Variants in SLC23A2 observed in about 807,000 individuals in gnomAD.
SLC23A2 encodes the protein solute carrier family 23 member 2, also known as Na(+)/L-ascorbic acid transporter 2.
A neutral mutation model predicts 73.3 loss-of-function variants in SLC23A2; 36 were observed. The ratio of observed to expected loss-of-function variants is 0.49; its 90% CI spans 0.38 to 0.65. The LOEUF (loss-of-function observed/expected upper bound fraction) is 0.65. Ranked by LOEUF, SLC23A2 falls within the 30% of genes least tolerant of loss-of-function variation. The pLI is 0.00. For missense variants in SLC23A2, 507 were observed against 841.6 expected, an observed-to-expected ratio of 0.60 and a Z score of 4.92; for synonymous variants, 343 against 327.3, an observed-to-expected ratio of 1.05 and a Z score of -0.52.
At chr20:4,938,962 C>T (rs1349219432) in intron 2 of SLC23A2, among the ~76,000 whole-genome samples, 1 of 152,120 alleles carries the variant, frequency 6.6e-6, no homozygotes. Context: ...ATGTGGAGGG[C>T]TGAGTGTGAT....
chr20:4,865,054 C>T (rs1240278320), intron 13 of SLC23A2, among the ~76,000 whole-genome samples: 6 of 152,310 alleles, frequency 3.9e-5, no homozygotes, highest in African/African-American at 1.4e-4. Context: ...AGAGATAGAG[C>T]CCTAAAATCC....
chr20:4,982,418 T>C (rs1271085881), intron 1 of SLC23A2, among the ~76,000 whole-genome samples: 3 of 152,234 alleles, frequency 2.0e-5, no homozygotes, highest in Non-Finnish European at 4.4e-5. Context: ...GTTAAAAATA[T>C]GTAATTCTTG....
chr20:4,930,693 C>T (rs1169544782), intron 3 of SLC23A2, among the ~76,000 whole-genome samples: 1 of 152,112 alleles, frequency 6.6e-6, no homozygotes, highest in East Asian at 1.9e-4. Context: ...GTGGCACATG[C>T]CTGTAGTCCC....
intron 6 of SLC23A2, among the ~76,000 whole-genome samples, chr20:4,889,247 G>A (rs1185207115): frequency 1.3e-5 from 2 of 152,136 alleles, no homozygotes; most frequent in Non-Finnish European, 2.9e-5. Flanking sequence ...GGGGGATTAT[G>A]GGTATTCCGG....
At chr20:4,871,255 A>G (rs3787456) in intron 11 of SLC23A2, among the ~76,000 whole-genome samples, 146,791 of 152,246 alleles carry the variant, frequency 0.96, 70,983 homozygotes, top group African/African-American at 0.99. Context: ...CAAAAGATCC[A>G]GGGAGAGGGA....
intron 4 of SLC23A2, among the ~76,000 whole-genome samples, chr20:4,908,989 C>T (rs1032367470): frequency 6.6e-6 from 1 of 152,144 alleles, no homozygotes; most frequent in African/African-American, 2.4e-5. Context: ...TAAGGAAATA[C>T]ACATGCAGTA....
chr20:4,862,937 G>T lies in SLC23A2; in HGVS notation c.1357-30C>A. 6.3e-7 allele frequency: 1 copy of T among 1,591,692 alleles called. No homozygotes were observed. Among genetic ancestry groups the T allele is most frequent in the Non-Finnish European group, 8.6e-7 (1 of 1,163,588 alleles). On this transcript the variant is annotated intron_variant, in intron 13 of 16. Coordinates refer to ENST00000338244, the MANE Select transcript of SLC23A2 (RefSeq NM_005116.6). This position sits in a 1 kb window ranked among gnomAD's most constrained non-coding sequence, Gnocchi z 5.1. Reference sequence around the variant, plus strand: ...AGAACACACAGGAGACTGGGAAACAGGGACTCATCTCCATGCAAAATCACC... The same window carrying T: ...AGAACACACAGGAGACTGGGAAACATGGACTCATCTCCATGCAAAATCACC...
chr20:4,982,316 A>C (rs972598790), intron 1 of SLC23A2, among the ~76,000 whole-genome samples: 3 of 152,184 alleles, frequency 2.0e-5, no homozygotes, highest in African/African-American at 4.8e-5. Context: ...TAATTTGAAA[A>C]AATGGAATGA....
chr20:4,976,920 GA>G (rs1425114619), intron 1 of SLC23A2, among the ~76,000 whole-genome samples: 1 of 151,962 alleles, frequency 6.6e-6, no homozygotes, highest in Non-Finnish European at 1.5e-5. Context: ...AGGTTGCAGT[GA>G]GCCAAGATCA....
chr20:5,004,663 G>A (rs1201751552), upstream of SLC23A2, among the ~76,000 whole-genome samples: 1 of 151,808 alleles, frequency 6.6e-6, no homozygotes, highest in Non-Finnish European at 1.5e-5. Flanking sequence ...TAGGCAACAT[G>A]GGGAGACCCC....
intron 9 of SLC23A2, among the ~76,000 whole-genome samples, chr20:4,875,583 C>A (rs1176231483): frequency 6.6e-6 from 1 of 152,192 alleles, no homozygotes; most frequent in Non-Finnish European, 1.5e-5. Context: ...CCTGACTGAA[C>A]TGCACTAAGT....
intron 2 of SLC23A2, among the ~76,000 whole-genome samples, chr20:4,969,617 C>T (rs114347683): frequency 0.02 from 2,888 of 144,958 alleles, 101 homozygotes; most frequent in South Asian, 0.14. Flanking sequence ...CAGGGTCTCA[C>T]TCTGCCACCC....
chr20:4,909,600 T>G (rs1007353937), intron 4 of SLC23A2, among the ~76,000 whole-genome samples: 3 of 152,130 alleles, frequency 2.0e-5, no homozygotes, highest in Non-Finnish European at 2.9e-5. Flanking sequence ...GTCACTCAGG[T>G]TGGAGTGCAG....
At chr20:4,920,166 C>G (rs1932456058) in intron 3 of SLC23A2, among the ~76,000 whole-genome samples, 1 of 152,164 alleles carries the variant, frequency 6.6e-6, no homozygotes. Flanking sequence ...GAGACTGAGG[C>G]AGGAGAATTG....
chr20:4,878,510 C>G (rs535965301), intron 9 of SLC23A2, among the ~76,000 whole-genome samples: 22 of 152,238 alleles, frequency 1.4e-4, no homozygotes, highest in South Asian at 1.0e-3. Flanking sequence ...TGGTTTCTGA[C>G]GTTTTAAATG....
chr20:4,935,707 G>A (rs142849824), intron 2 of SLC23A2, among the ~76,000 whole-genome samples: 3,955 of 152,168 alleles, frequency 0.026, 179 homozygotes, highest in African/African-American at 0.089. Context: ...GCTGAGGCAG[G>A]AGAATGGCGT....
At chr20:4,964,718 G>A (rs914908653) in intron 2 of SLC23A2, among the ~76,000 whole-genome samples, 1 of 151,766 alleles carries the variant, frequency 6.6e-6, no homozygotes, top group African/African-American at 2.4e-5. Context: ...CACTCCTGCA[G>A]TCCCAGCTAC....
intron 2 of SLC23A2, among the ~76,000 whole-genome samples, chr20:4,934,533 C>T (rs542863123): frequency 2.0e-5 from 3 of 152,188 alleles, no homozygotes; most frequent in East Asian, 1.9e-4. Flanking sequence ...CACAGAAGCA[C>T]GTCTATGGGA....
upstream of SLC23A2, among the ~76,000 whole-genome samples, chr20:5,003,253 G>A (rs912017757): frequency 4.6e-5 from 7 of 151,976 alleles, no homozygotes; most frequent in Admixed American, 2.6e-4. Flanking sequence ...GCGTGGTGGC[G>A]GGCGCCTGTA....
Sources: allele counts gnomAD v4.1 joint callset (sites outside exome capture counted in the v4.1 genomes callset), GRCh38; gene constraint gnomAD v4.1.1; non-coding constraint Gnocchi (gnomAD v3.1); transcripts MANE v1.5; gene names NCBI Gene and HGNC (gene_info 2026-07-23, HGNC 2026-07-21).